ADAMTS7: variants seen among roughly 807,000 people sequenced by gnomAD.
ADAMTS7 encodes the protein A disintegrin and metalloproteinase with thrombospondin motifs 7.
ADAMTS7 carries 89 observed loss-of-function variants against 172.6 expected under a neutral mutation model. The ratio of observed to expected loss-of-function variants is 0.52; its 90% CI spans 0.43 to 0.61. The LOEUF (loss-of-function observed/expected upper bound fraction) is 0.61, where lower values mean the gene tolerates loss of function less well. ADAMTS7 is among the 20% of genes least tolerant of loss of function. The pLI is 0.00. For synonymous variants in ADAMTS7, 885 were observed against 978.4 expected (o/e 0.90, Z 1.78); for missense variants, 1,973 against 2,355.6 (o/e 0.84, Z 3.36).
rs1596169369 is a variant in ADAMTS7, at chr15:78,762,476, C to T, written c.4830G>A (p.Gln1610=). The T allele has an allele frequency of 1.3e-6, 2 of 1,586,686 alleles. No homozygotes were observed. Among genetic ancestry groups the T allele is most frequent in the Non-Finnish European group, 1.7e-6 (2 of 1,167,136 alleles). ...QTGLPEEDSD[Q]CGHEAWPESS... ...TCTCAGGCCAGGCCTCGTGGCCACACTGGTCACTGTCTTCCTCGGGCAGCC... is the reference window on the plus strand; with the variant it reads ...TCTCAGGCCAGGCCTCGTGGCCACATTGGTCACTGTCTTCCTCGGGCAGCC... Residue 1610 remains glutamine (Q), a synonymous_variant, in exon 23 of 24, where the codon CAG becomes CAA. Coordinates refer to ENST00000388820, the MANE Select transcript of ADAMTS7 (RefSeq NM_014272.5).
chr15:78,801,749 C>T (rs555139101), intron 1 of ADAMTS7, among the ~76,000 whole-genome samples: 1 of 152,242 alleles, frequency 6.6e-6, no homozygotes, highest in East Asian at 1.9e-4. Context: ...GCAATCATAG[C>T]TCACTGCAGC....
rs973191416 is a variant in ADAMTS7, at chr15:78,774,070, C to T, written c.2010+97G>A. On this transcript the variant is annotated intron_variant, in intron 13 of 23. Coordinates refer to ENST00000388820, the MANE Select transcript of ADAMTS7 (RefSeq NM_014272.5). ...AGAGAACCTGGGGCCCGCCATGGCC[C>T]GAGGAGGATCAGGAGGGACCCAGGA... 380 of 1,532,184 alleles carry T rather than the reference C, an allele frequency of 2.5e-4. 1 individual carries two copies. Among genetic ancestry groups the T allele is most frequent in the South Asian group, 9.2e-4 (77 of 83,912 alleles). 94.9% of individuals were successfully genotyped at this position (1,532,184 alleles called of 1,614,324 possible). A position where few individuals can be genotyped will look rare whatever the true frequency, so the allele number is the denominator to read the frequency against.
Position 78,789,699 on chromosome 15 carries a change from G to C in ADAMTS7, c.1168C>G (p.Leu390Val). Residue 390 changes from leucine (L) to valine (V), a missense_variant, in exon 7 of 24, where the codon CTC becomes GTC. Leu to Val is a conservative substitution (Grantham distance 32). Coordinates refer to ENST00000388820, the MANE Select transcript of ADAMTS7 (RefSeq NM_014272.5). The part of the protein sequence containing the change: ...LPLAFTVAHE[L>V]GHSFGIQHDG... ...GGGCAGGCACAGTACCTGTGCCCGAGCTCGTGGGCTACAGTGAAGGCCAGC... is the reference window on the plus strand; with the variant it reads ...GGGCAGGCACAGTACCTGTGCCCGACCTCGTGGGCTACAGTGAAGGCCAGC... 1.2e-6 allele frequency: 2 copies of C among 1,613,840 alleles called. No homozygotes were observed. The highest frequency in any genetic ancestry group is 1.7e-6 in the Non-Finnish European group (2 of 1,179,996).
At chr15:78,793,192 A>G (rs753203075) in intron 4 of ADAMTS7, among the ~76,000 whole-genome samples, 5 of 152,174 alleles carry the variant, frequency 3.3e-5, no homozygotes, top group Non-Finnish European at 5.9e-5. Context: ...AAGCTCAAAG[A>G]GAGGGTAAAA....
At chr15:78,768,067 G>T in intron 17 of ADAMTS7, 66 bp downstream of exon 17, 1 of 1,284,144 alleles carries the variant, frequency 7.8e-7, no homozygotes, top group Non-Finnish European at 1.1e-6. Context: ...GAGTTGGCGG[G>T]GGATGGGGGT....
chr15:78,789,578 G>A, intron 7 of ADAMTS7, 111 bp downstream of exon 7: 2 of 1,432,934 alleles, frequency 1.4e-6, no homozygotes, highest in Non-Finnish European at 1.9e-6. Context: ...TCCTTTTCCA[G>A]AGAGCTTCCT....
At chr15:78,761,618 A>C (rs2055044076) in intron 23 of ADAMTS7, among the ~76,000 whole-genome samples, 1 of 152,204 alleles carries the variant, frequency 6.6e-6, no homozygotes, top group South Asian at 2.1e-4. Flanking sequence ...AATGGAGCCC[A>C]AGGCCACACA....
chr15:78,774,124 G>C (rs754513847), intron 13 of ADAMTS7, 43 bp downstream of exon 13: 1 of 1,585,472 alleles, frequency 6.3e-7, no homozygotes, highest in Admixed American at 1.7e-5. Context: ...AGTGGGGCTG[G>C]GGGCAGGCAG....
intron 1 of ADAMTS7, among the ~76,000 whole-genome samples, chr15:78,809,674 G>A (rs1276810659): frequency 2.0e-5 from 3 of 152,218 alleles, no homozygotes; most frequent in Non-Finnish European, 2.9e-5. Flanking sequence ...CAGGGGGCCA[G>A]GACCCAAGTC....
intron 2 of ADAMTS7, among the ~76,000 whole-genome samples, chr15:78,799,110 A>G (rs534355346): frequency 2.3e-3 from 351 of 149,876 alleles, no homozygotes; most frequent in African/African-American, 7.8e-3. Flanking sequence ...AGGCTCCATA[A>G]ATGGGAATAC....
chr15:78,806,125 CACAAAAAAAAAAAAA>C (rs1231143325), intron 1 of ADAMTS7, among the ~76,000 whole-genome samples: 2 of 18,348 alleles, frequency 1.1e-4, no homozygotes, highest in African/African-American at 1.6e-4. Context: ...CACACACACA[CACAAAAAAAAAAAAA>C]AAAAAAAAAA....
chr15:78,764,130 C>T, intron 20 of ADAMTS7, 31 bp from the exon 21 acceptor site: 7 of 1,488,602 alleles, frequency 4.7e-6, no homozygotes, highest in South Asian at 1.3e-5. Flanking sequence ...ATGGACACAT[C>T]CCCATGTGCA....
rs763271785 is a variant in ADAMTS7, at chr15:78,767,459, G to A, written c.2779C>T (p.Leu927Phe). ...SALEPPACEH[L>F]PRPPTETPCN... ...GGGGTTTCAGTAGGGGGCCGGGGAA[G>A]GTGTTCACAGGCGGGTGGCTCCAGG... The change falls in exon 18 of 24, where the codon CTT becomes TTT. Residue 927 changes from leucine to phenylalanine, a missense_variant. By Grantham distance (22) the Leu-to-Phe change is conservative. Transcript: ENST00000388820. The A allele has an allele frequency of 6.2e-7, 1 of 1,611,784 alleles. No homozygotes were observed. Among genetic ancestry groups the A allele is most frequent in the Non-Finnish European group, 8.5e-7 (1 of 1,179,796 alleles).
At position 78,796,922 on chromosome 15, in the gene ADAMTS7, C is replaced by T. The variant is rs2055653598; in HGVS notation, c.623-136G>A. The T allele has an allele frequency of 1.7e-5, 13 of 754,192 alleles. 1 individual carries two copies. The East Asian group carries it at 2.7e-4, about 16-fold the overall frequency. 46.7% of individuals were successfully genotyped at this position (754,192 alleles called of 1,614,324 possible). A position where few individuals can be genotyped will look rare whatever the true frequency, so the allele number is the denominator to read the frequency against. ...ATCAGAGGCCAGGGGCCTGAATTCGCCTCCTGGCTCTGTCCCAGATCTGTG... is the reference window on the plus strand; with the variant it reads ...ATCAGAGGCCAGGGGCCTGAATTCGTCTCCTGGCTCTGTCCCAGATCTGTG... On this transcript the variant is annotated intron_variant, in intron 3 of 23. Transcript: ENST00000388820.
Position 78,766,515 on chromosome 15 carries a change from A to G in ADAMTS7, c.3396T>C (p.Pro1132=), listed in dbSNP as rs1443778465. 1 of 1,586,100 alleles carries G rather than the reference A, an allele frequency of 6.3e-7. No homozygotes were observed. Among genetic ancestry groups the G allele is most frequent in the East Asian group, 2.2e-5 (1 of 44,622 alleles). The part of the protein sequence containing the change: ...EGVLGPWSPS[P]WPSQAGRSPP... ...GGGAGCGGCCGGCCTGGCTAGGCCA[A>G]GGGCTCGGGGACCAAGGTCCCAGTA... Residue 1132 remains proline, a synonymous_variant, in exon 19 of 24, where the codon CCT becomes CCC. Transcript: ENST00000388820.
chr15:78,762,587 T>C (rs774261662), intron 22 of ADAMTS7, 22 bp from the exon 23 acceptor site: 5 of 1,392,814 alleles, frequency 3.6e-6, no homozygotes, highest in Non-Finnish European at 4.8e-6. Context: ...GGGGGAGGAA[T>C]GAGTGTCTCC....
chr15:78,808,765 A>G (rs1481571385), intron 1 of ADAMTS7, among the ~76,000 whole-genome samples: 1 of 152,218 alleles, frequency 6.6e-6, no homozygotes, highest in African/African-American at 2.4e-5. Flanking sequence ...GCAGAGTTCA[A>G]GTGACAGTGG....
chr15:78,800,114 T>G, intron 2 of ADAMTS7, 78 bp downstream of exon 2: 2 of 1,297,870 alleles, frequency 1.5e-6, no homozygotes, highest in Non-Finnish European at 2.1e-6. Context: ...ACCAGACAAG[T>G]GCGTGGCAAG....
At chr15:78,794,241 AAAG>A (rs2055615929) in intron 4 of ADAMTS7, among the ~76,000 whole-genome samples, 1 of 152,146 alleles carries the variant, frequency 6.6e-6, no homozygotes, top group African/African-American at 2.4e-5. Context: ...TTCCACCTCT[AAAG>A]AAGTAAATAA....
Sources: allele counts gnomAD v4.1 joint callset (sites outside exome capture counted in the v4.1 genomes callset), GRCh38; gene constraint gnomAD v4.1.1; transcripts MANE v1.5; gene names NCBI Gene and HGNC (gene_info 2026-07-23, HGNC 2026-07-21).